FAM168A: variants seen among roughly 807,000 people sequenced by gnomAD.
FAM168A encodes the protein protein FAM168A.
In FAM168A, 3 loss-of-function variants were observed where a neutral mutation model predicts 28.5. The observed-to-expected ratio is 0.11, with a 90% CI of 0.05 to 0.27. The LOEUF is 0.27. Ranked by LOEUF, FAM168A falls within the 10% of genes least tolerant of loss-of-function variation. The pLI, the probability that FAM168A is intolerant of heterozygous loss-of-function variation, is 1.00. For synonymous variants in FAM168A, 122 were observed against 124.2 expected, an observed-to-expected ratio of 0.98 and a Z score of 0.12; for missense variants, 222 against 311.5, an observed-to-expected ratio of 0.71 and a Z score of 2.16.
chr11:73,467,086 A>C (rs1377136048), intron 2 of FAM168A, among the ~76,000 whole-genome samples: 1 of 152,180 alleles, frequency 6.6e-6, no homozygotes, highest in African/African-American at 2.4e-5. Context: ...ATGAAGTCTG[A>C]ATTTATACTA....
intron 2 of FAM168A, among the ~76,000 whole-genome samples, chr11:73,465,945 G>C (rs144295434): frequency 6.6e-6 from 1 of 151,716 alleles, no homozygotes; most frequent in Non-Finnish European, 1.5e-5. Context: ...GTAAGTACTC[G>C]GTAAAGGGGC....
intron 2 of FAM168A, among the ~76,000 whole-genome samples, chr11:73,455,604 G>A (rs1867516670): frequency 6.6e-6 from 1 of 152,188 alleles, no homozygotes; most frequent in South Asian, 2.1e-4. Flanking sequence ...TGCTGGTTAA[G>A]ATGGAGAGTC....
intron 4 of FAM168A, among the ~76,000 whole-genome samples, chr11:73,415,575 T>G (rs1452925801): frequency 6.6e-6 from 1 of 152,234 alleles, no homozygotes; most frequent in African/African-American, 2.4e-5. Flanking sequence ...TCTGAGTATT[T>G]CAGAAGACTT....
At chr11:73,512,701 T>C (rs1855248423) in intron 1 of FAM168A, among the ~76,000 whole-genome samples, 1 of 152,150 alleles carries the variant, frequency 6.6e-6, no homozygotes, top group African/African-American at 2.4e-5. Context: ...ACCACTATTC[T>C]ATACTGCACT....
intron 3 of FAM168A, among the ~76,000 whole-genome samples, chr11:73,428,433 G>A (rs1866927084): frequency 6.6e-6 from 1 of 152,190 alleles, no homozygotes; most frequent in Non-Finnish European, 1.5e-5. Context: ...ACTGCACTCT[G>A]GTTTCTAGCC....
chr11:73,468,771 C>A (rs770986493), intron 1 of FAM168A, among the ~76,000 whole-genome samples: 2 of 152,246 alleles, frequency 1.3e-5, no homozygotes, highest in Non-Finnish European at 2.9e-5. Flanking sequence ...CACTATCCCA[C>A]AGACAGCTCT....
At chr11:73,464,375 G>A (rs1867700248) in intron 2 of FAM168A, among the ~76,000 whole-genome samples, 1 of 151,818 alleles carries the variant, frequency 6.6e-6, no homozygotes, top group South Asian at 2.1e-4. Flanking sequence ...AAAGATGGTA[G>A]TCTTTGAACA....
At chr11:73,530,625 T>C (rs1311514570) in intron 1 of FAM168A, among the ~76,000 whole-genome samples, 3 of 152,190 alleles carry the variant, frequency 2.0e-5, no homozygotes, top group Non-Finnish European at 4.4e-5. Context: ...CAGCCTTAGG[T>C]ACAGCAATCT....
At chr11:73,516,955 A>G (rs1943311618) in intron 1 of FAM168A, among the ~76,000 whole-genome samples, 1 of 152,226 alleles carries the variant, frequency 6.6e-6, no homozygotes, top group African/African-American at 2.4e-5. Flanking sequence ...GGAAAGACAT[A>G]TATGAATCAA....
At chr11:73,558,232 G>A (rs1302892714) in intron 1 of FAM168A, among the ~76,000 whole-genome samples, 1 of 152,036 alleles carries the variant, frequency 6.6e-6, no homozygotes, top group Non-Finnish European at 1.5e-5. Context: ...TGCAATCCCA[G>A]CACTTTAGAA....
intron 1 of FAM168A, among the ~76,000 whole-genome samples, chr11:73,558,840 T>C (rs1303313689): frequency 1.3e-5 from 2 of 152,138 alleles, no homozygotes; most frequent in African/African-American, 4.8e-5. Context: ...CCCTCAAACA[T>C]TGTTGGTGGG....
At chr11:73,467,437 C>T (rs1213320640) in intron 2 of FAM168A, among the ~76,000 whole-genome samples, 2 of 152,022 alleles carry the variant, frequency 1.3e-5, no homozygotes, top group Non-Finnish European at 2.9e-5. Context: ...TCCAGTCAGT[C>T]AAAACACATT....
intron 1 of FAM168A, among the ~76,000 whole-genome samples, chr11:73,584,302 A>G (rs1272923470): frequency 1.3e-5 from 2 of 151,634 alleles, no homozygotes; most frequent in Non-Finnish European, 2.9e-5. Flanking sequence ...CCTCCCGAGT[A>G]GCTGGGACCA....
chr11:73,434,190 T>C (rs1369984939), intron 2 of FAM168A, among the ~76,000 whole-genome samples: 1 of 151,876 alleles, frequency 6.6e-6, no homozygotes, highest in Non-Finnish European at 1.5e-5. Context: ...ACAATCTGAG[T>C]ATCTACTTGG....
rs372550617 is a variant in FAM168A, at chr11:73,409,550, C to T, written c.532G>A (p.Ala178Thr). The stretch of plus-strand genomic sequence containing the variant: ...ATGGCCACACCGTTGGTCCTCGGGG[C>T]GGCAACAGGTGCTGGGTAGATAGCA... Reference protein sequence around the residue: ...PSAIYPAPVAAPRTNGVAMGM... With the variant: ...PSAIYPAPVATPRTNGVAMGM... Residue 178 changes from alanine (A) to threonine (T), a missense_variant, in exon 6 of 8, where the codon GCC becomes ACC. Ala to Thr is a moderately conservative substitution (Grantham distance 58). This residue lies in a region of FAM168A where 64 missense variants were observed against 94.6 expected (regional missense o/e 0.68). Transcript: ENST00000356467. 2.5e-5 allele frequency: 41 copies of T among 1,613,750 alleles called. No individual in the cohort carries two copies. Among genetic ancestry groups the T allele is most frequent in the East Asian group, 1.1e-4 (5 of 44,886 alleles).
intron 4 of FAM168A, among the ~76,000 whole-genome samples, chr11:73,419,201 C>A (rs1590759921): frequency 6.6e-6 from 1 of 152,168 alleles, no homozygotes; most frequent in East Asian, 1.9e-4. Context: ...ACATCAGTTA[C>A]CCTACTGAGC....
chr11:73,464,865 AT>A (rs59307110), intron 2 of FAM168A, among the ~76,000 whole-genome samples: 3,372 of 147,020 alleles, frequency 0.023, 52 homozygotes, highest in Non-Finnish European at 0.03. Context: ...CTGTTTTATC[AT>A]TTTTTTTTTT....
chr11:73,500,256 CTTTTTT>C (rs57040993), intron 1 of FAM168A, among the ~76,000 whole-genome samples: 31 of 122,596 alleles, frequency 2.5e-4, no homozygotes, highest in Non-Finnish European at 4.9e-4. Flanking sequence ...CCCAGAATTC[CTTTTTT>C]TTTTTTTTTT....
At chr11:73,458,360 T>C (rs1301584003) in intron 2 of FAM168A, among the ~76,000 whole-genome samples, 1 of 152,100 alleles carries the variant, frequency 6.6e-6, no homozygotes, top group East Asian at 1.9e-4. Context: ...AGCTCAGTGG[T>C]AGAGTGGGTG....
Sources: gnomAD v4.1 joint callset for allele counts (sites outside exome capture counted in the v4.1 genomes callset) on GRCh38, gnomAD v4.1.1 for gene constraint, gnomAD v4.1.1 regional missense constraint, MANE v1.5 for transcripts, NCBI Gene and HGNC (gene_info 2026-07-23, HGNC 2026-07-21) for gene names.